Variants in TSSC4 observed in about 807,000 individuals in gnomAD.
TSSC4 encodes the protein U5 small nuclear ribonucleoprotein TSSC4.
For synonymous variants in TSSC4, 259 were observed against 197.9 expected (o/e 1.31, Z -2.59); for missense variants, 500 against 443.9 (o/e 1.13, Z -1.14).
Position 2,403,272 on chromosome 11 carries a change from C to CAT in TSSC4, c.640_641dup (p.Phe215SerfsTer201). 1 of 1,612,366 alleles carries CAT rather than the reference C, an allele frequency of 6.2e-7. No individual in the cohort carries two copies. The highest frequency in any genetic ancestry group is 8.5e-7 in the Non-Finnish European group (1 of 1,179,482). On this transcript the variant is annotated frameshift_variant, in exon 3 of 3. Transcript: ENST00000333256. LOFTEE classifies it low-confidence loss of function (END_TRUNC). ...CCTCCAGCTGTGGGGAGGGGAGGGT[C>CAT]ATCTTCACCAAACCAGTCCGAGGGG...
At chr11:2,401,899 G>A (rs1850156093) in intron 1 of TSSC4, 1 of 152,186 alleles carries the variant, frequency 6.6e-6, no homozygotes, top group South Asian at 2.1e-4. Flanking sequence ...CAGATGCCAG[G>A]GCCTTGGCTG....
Position 2,400,778 on chromosome 11 carries a change from C to T in TSSC4, c.-201C>T, listed in dbSNP as rs547323255. 2.0e-4 allele frequency: 30 copies of T among 152,124 alleles called. No homozygotes were observed. Among genetic ancestry groups the T allele is most frequent in the Non-Finnish European group, 4.0e-4 (27 of 68,020 alleles). 9.4% of individuals were successfully genotyped at this position (152,124 alleles called of 1,614,324 possible). ...GGTGCGGCGCCGACCAAGATGGAGA[C>T]TGCCGAGCAGCCTTGAGCCGGTAGG... On this transcript the variant is annotated 5_prime_UTR_variant, in exon 1 of 3. Transcript: ENST00000333256.
Position 2,402,865 on chromosome 11 carries a change from C to G in TSSC4, c.232C>G (p.Gln78Glu). 1 of 1,611,130 alleles carries G rather than the reference C, an allele frequency of 6.2e-7. No homozygotes were observed. The highest frequency in any genetic ancestry group is 8.5e-7 in the Non-Finnish European group (1 of 1,179,200). The change falls in exon 3 of 3, where the codon CAG (glutamine) becomes GAG (glutamate). Residue 78 changes from glutamine (Q) to glutamate (E), a missense_variant. Physicochemically the swap from Gln to Glu is conservative, Grantham distance 29 (BLOSUM62 2). Transcript: ENST00000333256. Reference sequence around the variant, plus strand: ...GTCAGGCCTCCTCCCAGCCACGGTGCAGCCATTCCATCTGAGAGGCATGAG... The same window carrying G: ...GTCAGGCCTCCTCCCAGCCACGGTGGAGCCATTCCATCTGAGAGGCATGAG... ...PPSGLLPATV[Q>E]PFHLRGMSST... is the part of the protein sequence containing the mutation.
intron 1 of TSSC4, chr11:2,401,074 G>A (rs531397859): frequency 6.6e-6 from 1 of 152,306 alleles, no homozygotes; most frequent in African/African-American, 2.4e-5. Flanking sequence ...AGTGGAGAAA[G>A]GCCGGGCTCT....
rs1488042207 is a variant in TSSC4, at chr11:2,403,050, G to T, written c.417G>T (p.Arg139Ser). 9.9e-6 allele frequency: 16 copies of T among 1,609,410 alleles called. No individual in the cohort carries two copies. Among genetic ancestry groups the T allele is most frequent in the Non-Finnish European group, 1.4e-5 (16 of 1,178,606 alleles). The change falls in exon 3 of 3, where the codon AGG (arginine) becomes AGT (serine). Residue 139 changes from arginine to serine, a missense_variant. Coordinates refer to ENST00000333256, the MANE Select transcript of TSSC4 (RefSeq NM_005706.4). ...SGRSPVEGLG[R>S]AHRSPASPRV... ...GGTCTCCAGTGGAAGGCCTGGGCAG[G>T]GCCCATCGGAGCCCTGCCTCACCAA...
chr11:2,402,825 G>A lies in TSSC4; in HGVS notation c.192G>A (p.Glu64=). Residue 64 remains glutamate (E), a synonymous_variant, in exon 3 of 3, where the codon GAG becomes GAA. Transcript: ENST00000333256. ...LPGEEDSGPD[E]PPSPPSGLLP... ...GGGAGGAGGATTCAGGTCCTGATGAGCCGCCCTCACCCCCGTCAGGCCTCC... is the reference window on the plus strand; with the variant it reads ...GGGAGGAGGATTCAGGTCCTGATGAACCGCCCTCACCCCCGTCAGGCCTCC... 1 of 1,595,766 alleles carries A rather than the reference G, an allele frequency of 6.3e-7. No homozygotes were observed. Among genetic ancestry groups the A allele is most frequent in the Non-Finnish European group, 8.5e-7 (1 of 1,170,882 alleles).
At position 2,402,599 on chromosome 11, in the gene TSSC4, GT is replaced by G; in HGVS notation, c.-23-8del. ...TCCTGAGAAACAAATTTTCTGGGCT[GT>G]TTTGGTTTAGGTGTGGCGTGGCCCT... On this transcript the variant is annotated splice_polypyrimidine_tract_variant and intron_variant, in intron 2 of 2. Coordinates refer to ENST00000333256, the MANE Select transcript of TSSC4 (RefSeq NM_005706.4). 4.5e-6 allele frequency: 7 copies of G among 1,547,524 alleles called. No homozygotes were observed. The highest frequency in any genetic ancestry group is 1.4e-5 in the African/African-American group (1 of 73,900).
chr11:2,403,695 G>A lies in TSSC4; in HGVS notation c.*72G>A, dbSNP rs1405776395. 2.9e-6 allele frequency: 4 copies of A among 1,399,250 alleles called. No homozygotes were observed. The highest frequency in any genetic ancestry group is 3.8e-6 in the Non-Finnish European group (4 of 1,063,432). 86.7% of individuals were successfully genotyped at this position (1,399,250 alleles called of 1,614,324 possible). On this transcript the variant is annotated 3_prime_UTR_variant, in exon 3 of 3. Transcript: ENST00000333256. ...GCCTTCCCAGTGGGGCTGGTCAGGGGGCAGCCTGGCCACTGCCTAGCTGGA... is the reference window on the plus strand; with the variant it reads ...GCCTTCCCAGTGGGGCTGGTCAGGGAGCAGCCTGGCCACTGCCTAGCTGGA...
At position 2,403,493 on chromosome 11, in the gene TSSC4, CTGTCCACAG is replaced by C; in HGVS notation, c.863_871del (p.Val288_Ser290del). ...CAGGAGGTGGAGGCACTGTCAGGGT[CTGTCCACAG>C]TGGGTCTGTGCCAGGTCTCCCGCCG... is the stretch of plus-strand genomic sequence containing the variant. On this transcript the variant is annotated inframe_deletion, in exon 3 of 3. Coordinates refer to ENST00000333256, the MANE Select transcript of TSSC4 (RefSeq NM_005706.4). 2 of 1,602,432 alleles carry C rather than the reference CTGTCCACAG, an allele frequency of 1.2e-6. No homozygotes were observed. The highest frequency in any genetic ancestry group is 1.7e-6 in the Non-Finnish European group (2 of 1,174,030).
chr11:2,403,356 C>T lies in TSSC4; in HGVS notation c.723C>T (p.Gly241=), dbSNP rs141165307. 4.8e-4 allele frequency: 773 copies of T among 1,611,272 alleles called. 5 individuals are homozygous for T. The African/African-American group carries it at 8.9e-3, about 18-fold the overall frequency. Residue 241 remains glycine, a synonymous_variant, in exon 3 of 3, where the codon GGC becomes GGT. Transcript: ENST00000333256. ...VLGKVGEPGR[G]GLGNPATDRG... ...GGAAGGTGGGAGAGCCAGGCAGGGG[C>T]GGCCTTGGGAATCCTGCCACAGACA...
In TSSC4 at chr11:2,402,599, G is replaced by A; in HGVS notation, c.-23-12G>A. The A allele has an allele frequency of 6.5e-7, 1 of 1,547,524 alleles. No individual in the cohort carries two copies. Among genetic ancestry groups the A allele is most frequent in the Non-Finnish European group, 8.7e-7 (1 of 1,143,242 alleles). Reference sequence around the variant, plus strand: ...TCCTGAGAAACAAATTTTCTGGGCTGTTTTGGTTTAGGTGTGGCGTGGCCC... The same window carrying A: ...TCCTGAGAAACAAATTTTCTGGGCTATTTTGGTTTAGGTGTGGCGTGGCCC... On this transcript the variant is annotated splice_polypyrimidine_tract_variant and intron_variant, in intron 2 of 2. Transcript: ENST00000333256.
rs1301730044 is a variant in TSSC4, at chr11:2,403,022, G to A, written c.389G>A (p.Gly130Asp). ...GGFKRPLAPS[G>D]RSPVEGLGRA... ...TTCAAGCGGCCCCTAGCGCCCTCAG[G>A]CCGGTCTCCAGTGGAAGGCCTGGGC... Residue 130 changes from glycine to aspartate, a missense_variant, in exon 3 of 3, where the codon GGC (glycine) becomes GAC (aspartate). Transcript: ENST00000333256. 1 of 1,607,852 alleles carries A rather than the reference G, an allele frequency of 6.2e-7. No individual in the cohort carries two copies. The highest frequency in any genetic ancestry group is 1.7e-5 in the Admixed American group (1 of 59,352).
rs1265440758 is a variant in TSSC4 at position 2,402,459 on chromosome 11, AG to A, written c.-24+12del. On this transcript the variant is annotated intron_variant, in intron 2 of 2. Transcript: ENST00000333256. ...CCCAGCAGCCAAGAGAGGTGAGAGG[AG>A]GGCTTGGAGGGGGAGGCGGGACTCC... is the stretch of plus-strand genomic sequence containing the variant. 4 of 668,206 alleles carry A rather than the reference AG, an allele frequency of 6.0e-6. No homozygotes were observed. The highest frequency in any genetic ancestry group is 4.9e-6 in the Non-Finnish European group (2 of 405,146). The allele number at this position is 668,206 out of a possible 1,614,324, so 41.4% of individuals were successfully genotyped here.
In TSSC4 at chr11:2,403,033, G is replaced by A. The variant is rs976990990; in HGVS notation, c.400G>A (p.Val134Met). The A allele has an allele frequency of 1.2e-6, 2 of 1,608,962 alleles. No individual in the cohort carries two copies. Among genetic ancestry groups the A allele is most frequent in the Non-Finnish European group, 1.7e-6 (2 of 1,178,340 alleles). ...CCTAGCGCCCTCAGGCCGGTCTCCAGTGGAAGGCCTGGGCAGGGCCCATCG... is the reference window on the plus strand; with the variant it reads ...CCTAGCGCCCTCAGGCCGGTCTCCAATGGAAGGCCTGGGCAGGGCCCATCG... The part of the protein sequence containing the change: ...RPLAPSGRSP[V>M]EGLGRAHRSP... Residue 134 changes from valine (V) to methionine (M), a missense_variant, in exon 3 of 3, where the codon GTG becomes ATG. By Grantham distance (21) the Val-to-Met change is conservative (BLOSUM62 1). Coordinates refer to ENST00000333256, the MANE Select transcript of TSSC4 (RefSeq NM_005706.4).
rs745352516 is a variant in TSSC4 at position 2,403,513 on chromosome 11, C to T, written c.880C>T (p.Pro294Ser). The change falls in exon 3 of 3, where the codon CCA (proline) becomes TCA (serine). Residue 294 changes from proline (P) to serine (S), a missense_variant. Transcript: ENST00000333256. ...LSGSVHSGSV[P>S]GLPPVETVGF... Reference sequence around the variant, plus strand: ...AGGGTCTGTCCACAGTGGGTCTGTGCCAGGTCTCCCGCCGGTGGAAACTGT... The same window carrying T: ...AGGGTCTGTCCACAGTGGGTCTGTGTCAGGTCTCCCGCCGGTGGAAACTGT... The T allele has an allele frequency of 1.9e-6, 3 of 1,596,864 alleles. No individual in the cohort carries two copies. The highest frequency in any genetic ancestry group is 2.2e-5 in the East Asian group (1 of 44,586).
chr11:2,403,766 C>T lies in TSSC4; in HGVS notation c.*143C>T, dbSNP rs1057769. ...GGCACCGGTGGCCCTGGCTGCAGTT[C>T]TGGGCAGCATCCTCCCAAGCAGAGA... On this transcript the variant is annotated 3_prime_UTR_variant, in exon 3 of 3. Transcript: ENST00000333256. 1.2e-6 allele frequency: 1 copy of T among 844,610 alleles called. No individual in the cohort carries two copies. The highest frequency in any genetic ancestry group is 1.7e-6 in the Non-Finnish European group (1 of 580,378). The allele number at this position is 844,610 out of a possible 1,614,324, so 52.3% of individuals were successfully genotyped here.
In TSSC4 at chr11:2,403,738, G is replaced by T; in HGVS notation, c.*115G>T. On this transcript the variant is annotated 3_prime_UTR_variant, in exon 3 of 3. Coordinates refer to ENST00000333256, the MANE Select transcript of TSSC4 (RefSeq NM_005706.4). ...TAGCTGGAATGGGAGGAAGCCTGCA[G>T]GTGGCACCGGTGGCCCTGGCTGCAG... The T allele has an allele frequency of 9.1e-7, 1 of 1,103,132 alleles. No individual in the cohort carries two copies. The highest frequency in any genetic ancestry group is 2.1e-5 in the South Asian group (1 of 48,572). 68.3% of individuals were successfully genotyped at this position (1,103,132 alleles called of 1,614,324 possible).
In TSSC4 at chr11:2,403,264, G is replaced by A. The variant is rs1478055089; in HGVS notation, c.631G>A (p.Gly211Arg). 1 of 1,612,550 alleles carries A rather than the reference G, an allele frequency of 6.2e-7. No individual in the cohort carries two copies. Among genetic ancestry groups the A allele is most frequent in the African/African-American group, 1.3e-5 (1 of 75,054 alleles). ...FNQDPSSCGE[G>R]RVIFTKPVRG... is the part of the protein sequence containing the mutation. ...CCAGGATCCCTCCAGCTGTGGGGAG[G>A]GGAGGGTCATCTTCACCAAACCAGT... The change falls in exon 3 of 3, where the codon GGG becomes AGG. Residue 211 changes from glycine (G) to arginine (R), a missense_variant. By Grantham distance (125) the Gly-to-Arg change is moderately radical. Coordinates refer to ENST00000333256, the MANE Select transcript of TSSC4 (RefSeq NM_005706.4).
Position 2,402,897 on chromosome 11 carries a change from C to T in TSSC4, c.264C>T (p.Thr88=). 1 of 1,612,216 alleles carries T rather than the reference C, an allele frequency of 6.2e-7. No individual in the cohort carries two copies. The change falls in exon 3 of 3, where the codon ACC becomes ACT. Residue 88 remains threonine (T), a synonymous_variant. Transcript: ENST00000333256. The part of the protein sequence containing the change: ...QPFHLRGMSS[T]FSQRSRDIFD... ...TCCATCTGAGAGGCATGAGCTCCAC[C>T]TTCTCCCAGCGCAGCCGTGACATCT...
Sources: allele counts gnomAD v4.1 joint callset, GRCh38; gene constraint gnomAD v4.1.1; transcripts MANE v1.5; gene names NCBI Gene and HGNC (gene_info 2026-07-23, HGNC 2026-07-21).